The following RAB40C variants were observed in gnomAD, a reference collection of about 807,000 sequenced individuals.
The protein encoded by RAB40C is RAB40C, member RAS oncogene family.
RAB40C carries 8 observed loss-of-function variants against 28.1 expected under a neutral mutation model. That is an observed-to-expected ratio of 0.28 (90% CI 0.17 to 0.51). The LOEUF is 0.51. Ranked by LOEUF, RAB40C falls within the 20% of genes least tolerant of loss-of-function variation. RAB40C has a pLI of 0.97. For missense variants in RAB40C, 288 were observed against 405.9 expected, an observed-to-expected ratio of 0.71 and a Z score of 2.50; for synonymous variants, 201 against 171.7, an observed-to-expected ratio of 1.17 and a Z score of -1.34.
Position 618,271 on chromosome 16 carries a change from C to T in RAB40C, c.264+11C>T. 1 of 1,604,790 alleles carries T rather than the reference C, an allele frequency of 6.2e-7. No individual in the cohort carries two copies. Among genetic ancestry groups the T allele is most frequent in the South Asian group, 1.1e-5 (1 of 89,782 alleles). ...TCCAGGGGCGCTCAGGTAAGACCAG[C>T]ACCGCTCTTTCCATTGCTTTTCAAA... On this transcript the variant is annotated intron_variant, in intron 3 of 5. Coordinates refer to ENST00000248139, the MANE Select transcript of RAB40C (RefSeq NM_021168.5).
chr16:592,431 G>A (rs984746493), intron 1 of RAB40C, among the ~76,000 whole-genome samples: 1 of 152,226 alleles, frequency 6.6e-6, no homozygotes, highest in African/African-American at 2.4e-5. Flanking sequence ...TGGAGGAGGG[G>A]TTGGAAAGGG....
At chr16:590,064 G>GGGCGGCGC (rs1272260758), upstream of RAB40C, 2 of 153,032 alleles carry the variant, frequency 1.3e-5, 1 homozygote, top group Non-Finnish European at 2.8e-5. Context: ...GCCGGGGGTG[G>GGGCGGCGC]GGCGGCGCGG....
intron 1 of RAB40C, among the ~76,000 whole-genome samples, chr16:616,444 T>C (rs1251498739): frequency 6.6e-6 from 1 of 151,812 alleles, no homozygotes; most frequent in East Asian, 1.9e-4. Context: ...CTTCAAGTGA[T>C]TCTCCTGCCT....
At chr16:604,416 C>T (rs756282714) in intron 1 of RAB40C, among the ~76,000 whole-genome samples, 1 of 151,620 alleles carries the variant, frequency 6.6e-6, no homozygotes, top group African/African-American at 2.4e-5. Context: ...CTAGAATACA[C>T]GAGTCCTTCT....
At chr16:603,222 G>A (rs1221672061) in intron 1 of RAB40C, among the ~76,000 whole-genome samples, 2 of 152,170 alleles carry the variant, frequency 1.3e-5, no homozygotes, top group Admixed American at 1.3e-4. Context: ...CTCTAGCTTC[G>A]CAGGAAACCA....
Position 627,347 on chromosome 16 carries a change from A to G in RAB40C, c.571A>G (p.Ser191Gly). ...EKIWRPNRVF[S>G]LQDLCCRAIV... is the part of the protein sequence containing the mutation. ...ACACCCCCTCTGCCCCACAGTGTTC[A>G]GCCTGCAGGACCTCTGCTGCCGGGC... The change falls in exon 6 of 6, where the codon AGC becomes GGC. Residue 191 changes from serine to glycine, a missense_variant. Physicochemically the swap from Ser to Gly is moderately conservative, Grantham distance 56. Around this residue, in one of 3 missense-constraint regions of RAB40C, gnomAD observed 153 missense variants for 262.4 expected, o/e 0.58. Coordinates refer to ENST00000248139, the MANE Select transcript of RAB40C (RefSeq NM_021168.5). 6.2e-7 allele frequency: 1 copy of G among 1,612,286 alleles called. No individual in the cohort carries two copies. Among genetic ancestry groups the G allele is most frequent in the Non-Finnish European group, 8.5e-7 (1 of 1,179,382 alleles).
rs188562552 is a variant in RAB40C at position 608,132 on chromosome 16, G to A, written c.143-9076G>A. On this transcript the variant is annotated intron_variant, in intron 1 of 5. Transcript: ENST00000248139. ...AGAGGTTTAATTGACTCACAGTTCCGCATGGCTGCAGAGGCCTCAGGAAAT... is the reference window on the plus strand; with the variant it reads ...AGAGGTTTAATTGACTCACAGTTCCACATGGCTGCAGAGGCCTCAGGAAAT... Among the ~76,000 whole-genome samples the A allele has an allele frequency of 4.6e-5, 7 of 152,234 alleles. No homozygotes were observed. In the South Asian group the frequency reaches 8.3e-4, roughly 18 times the overall value.
At chr16:619,589 C>T (rs1272164029) in intron 3 of RAB40C, among the ~76,000 whole-genome samples, 1 of 152,278 alleles carries the variant, frequency 6.6e-6, no homozygotes, top group East Asian at 1.9e-4. Context: ...TCTGTCCTGT[C>T]TGTGATGCCC....
intron 1 of RAB40C, among the ~76,000 whole-genome samples, chr16:604,524 GTCTT>G (rs2036321096): frequency 2.0e-5 from 3 of 151,240 alleles, no homozygotes; most frequent in African/African-American, 7.3e-5. Context: ...ATACACGTGA[GTCTT>G]TCTGAAGGTG....
intron 1 of RAB40C, among the ~76,000 whole-genome samples, chr16:592,277 G>T (rs1272783371): frequency 6.6e-6 from 1 of 152,210 alleles, no homozygotes; most frequent in African/African-American, 2.4e-5. Flanking sequence ...GAGTGTGGGC[G>T]CAGCATCCCC....
chr16:596,439 G>C (rs930899589), intron 1 of RAB40C: 1 of 421,442 alleles, frequency 2.4e-6, no homozygotes. Context: ...CCTCCCCTGC[G>C]CAGCACATGG....
intron 1 of RAB40C, among the ~76,000 whole-genome samples, chr16:597,589 C>T (rs909833623): frequency 1.2e-4 from 18 of 151,730 alleles, no homozygotes; most frequent in African/African-American, 4.1e-4. Flanking sequence ...TGGGTTCAAG[C>T]GATTCTCCTG....
At chr16:589,666 C>G (rs2035946358), upstream of RAB40C, 2 of 151,634 alleles carry the variant, frequency 1.3e-5, no homozygotes, top group South Asian at 2.1e-4. Flanking sequence ...GCCGGCGGCT[C>G]TGGGATTTCT....
At chr16:590,523 G>T (rs562146765) in intron 1 of RAB40C, 90 bp downstream of exon 1, 1 of 1,366,594 alleles carries the variant, frequency 7.3e-7, no homozygotes, top group African/African-American at 1.6e-5. Context: ...GCCCTTCCAA[G>T]CGCCGCCGAA....
intron 1 of RAB40C, among the ~76,000 whole-genome samples, chr16:591,195 G>A (rs1253430148): frequency 6.8e-6 from 1 of 147,386 alleles, no homozygotes; most frequent in South Asian, 2.2e-4. Flanking sequence ...GGGCCTAAGG[G>A]AAGGTGTCAT....
chr16:592,809 C>A (rs1390093587), intron 1 of RAB40C, among the ~76,000 whole-genome samples: 1 of 152,278 alleles, frequency 6.6e-6, no homozygotes, highest in African/African-American at 2.4e-5. Flanking sequence ...GCCTACCCAA[C>A]TGCACCACAC....
chr16:625,592 C>A, intron 4 of RAB40C, 83 bp downstream of exon 4: 1 of 1,381,274 alleles, frequency 7.2e-7, no homozygotes, highest in Non-Finnish European at 1.0e-6. Flanking sequence ...TGGATTCCCG[C>A]CTGCCGCCCC....
Position 627,676 on chromosome 16 carries a change from T to A in RAB40C, c.*54T>A. 1 of 1,512,570 alleles carries A rather than the reference T, an allele frequency of 6.6e-7. No individual in the cohort carries two copies. Among genetic ancestry groups the A allele is most frequent in the Admixed American group, 2.2e-5 (1 of 46,106 alleles). The allele number at this position is 1,512,570 out of a possible 1,614,324, so 93.7% of individuals were successfully genotyped here. A position where few individuals can be genotyped will look rare whatever the true frequency, so the allele number is the denominator to read the frequency against. The stretch of plus-strand genomic sequence containing the variant: ...TGCCAGGAGGGCTCGAGCTGGACAC[T>A]CCTGGCTGGACGCCAGGCCAGTGCC... On this transcript the variant is annotated 3_prime_UTR_variant, in exon 6 of 6. Coordinates refer to ENST00000248139, the MANE Select transcript of RAB40C (RefSeq NM_021168.5).
chr16:604,960 A>G (rs989054845), intron 1 of RAB40C, among the ~76,000 whole-genome samples: 1 of 152,178 alleles, frequency 6.6e-6, no homozygotes, highest in Non-Finnish European at 1.5e-5. Flanking sequence ...TGGGAGGCTG[A>G]GGCAGGACAA....
Sources: allele counts gnomAD v4.1 joint callset (sites outside exome capture counted in the v4.1 genomes callset), GRCh38; gene constraint gnomAD v4.1.1; regional missense constraint gnomAD v4.1.1; transcripts MANE v1.5; gene names NCBI Gene and HGNC (gene_info 2026-07-23, HGNC 2026-07-21).